BRAP: variants seen among roughly 807,000 people sequenced by gnomAD.
The protein encoded by BRAP is BRCA1 associated protein, also known as BRCA1-associated protein.
BRAP carries 42 observed loss-of-function variants against 73.4 expected under a neutral mutation model. The ratio of observed to expected loss-of-function variants is 0.57; its 90% CI spans 0.45 to 0.74. The LOEUF is 0.74. Among genes scored for constraint, BRAP ranks in the 30% least tolerant of loss-of-function variants. BRAP has a pLI of 0.00. For missense variants in BRAP, 593 were observed against 751.4 expected (o/e 0.79, Z 2.46); for synonymous variants, 255 against 267.4 (o/e 0.95, Z 0.45).
chr12:111,668,908 C>T (rs193121374), intron 5 of BRAP, among the ~76,000 whole-genome samples: 2 of 152,214 alleles, frequency 1.3e-5, no homozygotes, highest in East Asian at 1.9e-4. Context: ...CACCCTCAAC[C>T]TCCCAAAGTG....
chr12:111,644,690 G>A (rs1361749063), intron 11 of BRAP, 128 bp from the exon 12 acceptor site: 5 of 1,373,852 alleles, frequency 3.6e-6, no homozygotes, highest in African/African-American at 1.5e-5. Flanking sequence ...TTCTCCCATC[G>A]TGAGGGAGAA....
intron 1 of BRAP, among the ~76,000 whole-genome samples, chr12:111,684,614 C>T (rs1008121871): frequency 2.6e-5 from 4 of 152,084 alleles, no homozygotes; most frequent in African/African-American, 9.7e-5. Context: ...AAAACAGAGA[C>T]GCTGTCTGAT....
chr12:111,670,308 C>G, intron 5 of BRAP: 2 of 557,278 alleles, frequency 3.6e-6, no homozygotes, highest in Non-Finnish European at 7.1e-6. Flanking sequence ...TCTGCCTCTT[C>G]TTCAGGTCCT....
intron 5 of BRAP, chr12:111,669,941 T>C (rs555431548): frequency 2.9e-5 from 18 of 628,028 alleles, no homozygotes; most frequent in South Asian, 1.2e-4. Context: ...CTTTCTTTTA[T>C]TGAAGGAGTT....
At position 111,685,823 on chromosome 12, in the gene BRAP, C is replaced by G. The variant is rs751943488; in HGVS notation, c.-31G>C. On this transcript the variant is annotated 5_prime_UTR_variant, in exon 1 of 12. Coordinates refer to ENST00000419234, the MANE Select transcript of BRAP (RefSeq NM_006768.5). ...AGGCGCTGGCCGGCGCGGGCCCCGG[C>G]GGGCTCAGGCGAGGCTGGAAGGCGA... is the stretch of plus-strand genomic sequence containing the variant. 64 of 1,404,038 alleles carry G rather than the reference C, an allele frequency of 4.6e-5. No homozygotes were observed. The highest frequency in any genetic ancestry group is 1.7e-4 in the Admixed American group (7 of 40,832). 87.0% of individuals were successfully genotyped at this position (1,404,038 alleles called of 1,614,324 possible). A position where few individuals can be genotyped will look rare whatever the true frequency, so the allele number is the denominator to read the frequency against.
Position 111,658,752 on chromosome 12 carries a change from T to A in BRAP, c.1205A>T (p.Asp402Val), listed in dbSNP as rs776035835. Residue 402 changes from aspartate to valine, a missense_variant, in exon 9 of 12, where the codon GAT (aspartate) becomes GTT (valine). Physicochemically the swap from Asp to Val is radical, Grantham distance 152. Transcript: ENST00000419234. The stretch of plus-strand genomic sequence containing the variant: ...ATCTCTTACCTCTAACTGTAAGGCA[T>A]CTATTTTCTCTTCCTGGCAAGTATC... ...EGDTCQEEKI[D>V]ALQLEYSYLL... is the part of the protein sequence containing the mutation. 4.4e-6 allele frequency: 7 copies of A among 1,599,710 alleles called. No individual in the cohort carries two copies. The highest frequency in any genetic ancestry group is 5.1e-6 in the Non-Finnish European group (6 of 1,167,026).
chr12:111,677,582 T>C (rs1409059938), intron 4 of BRAP, among the ~76,000 whole-genome samples: 1 of 152,216 alleles, frequency 6.6e-6, no homozygotes, highest in Non-Finnish European at 1.5e-5. Context: ...ACAAAGTGTA[T>C]TGAACACTTA....
intron 11 of BRAP, among the ~76,000 whole-genome samples, chr12:111,647,154 T>C (rs1886137161): frequency 6.6e-6 from 1 of 152,148 alleles, no homozygotes; most frequent in South Asian, 2.1e-4. Flanking sequence ...CCTGTAGTCC[T>C]AGCTACTCAG....
intron 1 of BRAP, among the ~76,000 whole-genome samples, chr12:111,684,718 G>C (rs1023693414): frequency 6.6e-6 from 1 of 151,600 alleles, no homozygotes; most frequent in Non-Finnish European, 1.5e-5. Flanking sequence ...GCCCAGGCTG[G>C]AGTGCAGTGC....
chr12:111,677,783 A>G (rs183787930), intron 4 of BRAP, among the ~76,000 whole-genome samples: 4 of 152,222 alleles, frequency 2.6e-5, no homozygotes, highest in African/African-American at 9.6e-5. Flanking sequence ...TCTGTTCTTA[A>G]TGTCAACTTG....
intron 4 of BRAP, among the ~76,000 whole-genome samples, chr12:111,677,978 T>G (rs1428191397): frequency 1.3e-5 from 2 of 152,080 alleles, no homozygotes; most frequent in East Asian, 3.9e-4. Flanking sequence ...TGAGGCCGGG[T>G]GCAGTCGCTC....
At chr12:111,671,876 G>A (rs1281328816) in intron 5 of BRAP, among the ~76,000 whole-genome samples, 3 of 151,814 alleles carry the variant, frequency 2.0e-5, no homozygotes, top group Admixed American at 2.0e-4. Context: ...TGTAGAGACA[G>A]GGTTTCGTCA....
chr12:111,675,082 G>A (rs763625308), intron 4 of BRAP, among the ~76,000 whole-genome samples: 26 of 152,012 alleles, frequency 1.7e-4, no homozygotes, highest in East Asian at 9.6e-4. Flanking sequence ...GCAACGTGGC[G>A]AAACCCCATC....
intron 6 of BRAP, among the ~76,000 whole-genome samples, chr12:111,662,962 A>T (rs900717393): frequency 8.2e-5 from 12 of 146,530 alleles, no homozygotes; most frequent in Non-Finnish European, 1.3e-4. Flanking sequence ...AAAAAAAAAC[A>T]AAAAACTAAA....
At chr12:111,668,959 A>C (rs182672628) in intron 5 of BRAP, among the ~76,000 whole-genome samples, 2 of 152,112 alleles carry the variant, frequency 1.3e-5, no homozygotes, top group East Asian at 1.9e-4. Flanking sequence ...GGCCAAAAAA[A>C]ATTCTTTTAA....
intron 11 of BRAP, among the ~76,000 whole-genome samples, chr12:111,647,605 C>T (rs1886154712): frequency 6.6e-6 from 1 of 152,054 alleles, no homozygotes; most frequent in African/African-American, 2.4e-5. Flanking sequence ...AAAACAGTCT[C>T]TGCAAAAAAT....
intron 10 of BRAP, among the ~76,000 whole-genome samples, chr12:111,651,883 G>A (rs914177330): frequency 2.0e-5 from 3 of 152,020 alleles, no homozygotes; most frequent in African/African-American, 4.8e-5. Flanking sequence ...TGATCTGCCC[G>A]CCTCGGCCTC....
chr12:111,679,987 TTCTG>T (rs922349402), intron 3 of BRAP, among the ~76,000 whole-genome samples: 15 of 151,760 alleles, frequency 9.9e-5, no homozygotes, highest in Admixed American at 2.0e-4. Context: ...TACGAGAGAA[TTCTG>T]TCTTTTTTTT....
At chr12:111,681,351 C>T (rs1223999183) in intron 3 of BRAP, among the ~76,000 whole-genome samples, 8 of 150,762 alleles carry the variant, frequency 5.3e-5, no homozygotes, top group African/African-American at 1.2e-4. Context: ...GCCTGGGCAA[C>T]GAGACCGAAA....
Sources: allele counts gnomAD v4.1 joint callset (sites outside exome capture counted in the v4.1 genomes callset), GRCh38; gene constraint gnomAD v4.1.1; transcripts MANE v1.5; gene names NCBI Gene and HGNC (gene_info 2026-07-23, HGNC 2026-07-21).